The following OTULIN variants were observed in gnomAD, a reference collection of about 807,000 sequenced individuals.
OTULIN encodes OTU deubiquitinase with linear linkage specificity, also known as ubiquitin thioesterase otulin.
Under a neutral mutation model 39.6 loss-of-function variants are expected in OTULIN, and 15 were observed. The ratio of observed to expected loss-of-function variants is 0.38; its 90% CI spans 0.25 to 0.58. The LOEUF (loss-of-function observed/expected upper bound fraction) is 0.58. Ranked by LOEUF, OTULIN falls within the 20% of genes least tolerant of loss-of-function variation. OTULIN has a pLI of 0.66. For synonymous variants in OTULIN, 156 were observed against 170.3 expected (o/e 0.92, Z 0.65); for missense variants, 319 against 445.9 (o/e 0.72, Z 2.56).
the OTULIN span, among the ~76,000 whole-genome samples, chr5:14,715,423 G>A: frequency 5.3e-5 from 8 of 151,914 alleles, no homozygotes; most frequent in East Asian, 5.8e-4. Flanking sequence ...AAGCCACTGC[G>A]CCCGGCCCAT....
chr5:14,711,747 C>T, the OTULIN span, among the ~76,000 whole-genome samples: 2 of 152,238 alleles, frequency 1.3e-5, no homozygotes, highest in South Asian at 4.1e-4. Flanking sequence ...CAGCTCCAGG[C>T]TTGCCGTCAT....
intron 1 of OTULIN, among the ~76,000 whole-genome samples, chr5:14,671,025 A>T (rs1263534456): frequency 1.3e-5 from 2 of 152,012 alleles, no homozygotes; most frequent in African/African-American, 2.4e-5. Context: ...TGCTTTTTTC[A>T]TATATCCTGA....
Position 14,669,808 on chromosome 5 carries a change from ATT to A in OTULIN, c.153-3830_153-3829del. 2.0e-5 allele frequency among the ~76,000 whole-genome samples: 3 copies of A among 152,264 alleles called. No homozygotes were observed. In the South Asian group the frequency reaches 6.2e-4, roughly 32 times the overall value. On this transcript the variant is annotated intron_variant, in intron 1 of 6. Transcript: ENST00000284274. ...TATAATTTTTTAAATCGGCTTAATT[ATT>A]TTTAAGTTGTACATATTTATGGGGC... is the stretch of plus-strand genomic sequence containing the variant.
intron 1 of OTULIN, among the ~76,000 whole-genome samples, chr5:14,665,187 A>G (rs1026816560): frequency 2.6e-5 from 4 of 152,252 alleles, no homozygotes; most frequent in Non-Finnish European, 5.9e-5. Context: ...TTCTGGTCAC[A>G]CAGTGACTCC....
the OTULIN span, chr5:14,708,297 G>T: frequency 6.6e-6 from 1 of 152,128 alleles, no homozygotes; most frequent in African/African-American, 2.4e-5. Context: ...CTACTTCATG[G>T]CCTTGTATTT....
At chr5:14,703,324 CAAAAAAAAAAAAAAAAAAAAAAAAAAA>C (rs59779015), downstream of OTULIN, among the ~76,000 whole-genome samples, 3 of 122,120 alleles carry the variant, frequency 2.5e-5, no homozygotes, top group African/African-American at 9.6e-5. Context: ...TTAATAGTGT[CAAAAAAAAAAAAAAAAAAAAAAAAAAA>C]AAAAAAAAAA....
downstream of OTULIN, among the ~76,000 whole-genome samples, chr5:14,701,154 T>C (rs1736788793): frequency 1.3e-5 from 2 of 152,216 alleles, 1 homozygote; most frequent in South Asian, 4.1e-4. Context: ...CCCCTCTGTC[T>C]CCCCACTTCT....
At chr5:14,701,371 T>A (rs1156298343), downstream of OTULIN, among the ~76,000 whole-genome samples, 1 of 152,202 alleles carries the variant, frequency 6.6e-6, no homozygotes, top group Non-Finnish European at 1.5e-5. Context: ...CTTGTTGATC[T>A]ATGAGGCCAG....
the OTULIN span, among the ~76,000 whole-genome samples, chr5:14,711,471 G>C: frequency 6.6e-6 from 1 of 152,216 alleles, no homozygotes; most frequent in Non-Finnish European, 1.5e-5. Context: ...TCTTAGCTCA[G>C]TGTGTTCCTT....
the OTULIN span, among the ~76,000 whole-genome samples, chr5:14,716,076 A>T: frequency 6.6e-6 from 1 of 152,242 alleles, no homozygotes; most frequent in Non-Finnish European, 1.5e-5. Context: ...TGAGAATTTC[A>T]GTACATGAAC....
intron 1 of OTULIN, among the ~76,000 whole-genome samples, chr5:14,669,126 G>T (rs566991676): frequency 6.6e-6 from 1 of 152,282 alleles, no homozygotes; most frequent in African/African-American, 2.4e-5. Context: ...CACTTTTGGA[G>T]GCTGAGGCAG....
downstream of OTULIN, among the ~76,000 whole-genome samples, chr5:14,700,664 C>T (rs1736778620): frequency 6.6e-6 from 1 of 150,444 alleles, no homozygotes; most frequent in Non-Finnish European, 1.5e-5. Flanking sequence ...TGCCTACCCT[C>T]CCCAGCCCTC....
intron 4 of OTULIN, among the ~76,000 whole-genome samples, chr5:14,686,834 T>C (rs1257079591): frequency 1.3e-5 from 2 of 152,140 alleles, no homozygotes; most frequent in African/African-American, 4.8e-5. Context: ...ATAAAAAAAA[T>C]GGAAACTAGC....
chr5:14,713,444 C>G, the OTULIN span: 1 of 1,501,092 alleles, frequency 6.7e-7, no homozygotes, highest in Non-Finnish European at 9.1e-7. The surrounding 1 kb of genome is among the most constrained non-coding windows in gnomAD (Gnocchi z 4.4). Flanking sequence ...CGATTCTAGA[C>G]GTGCCTGGGG....
chr5:14,700,397 G>C (rs549611622), downstream of OTULIN, among the ~76,000 whole-genome samples: 245 of 152,288 alleles, frequency 1.6e-3, 2 homozygotes, highest in African/African-American at 5.6e-3. Context: ...TGGTGTCCTA[G>C]AGTTGGCATG....
chr5:14,692,679 C>CTTTTTTT (rs33978265), intron 6 of OTULIN, among the ~76,000 whole-genome samples, 175 bp from the exon 7 acceptor site: 5 of 143,236 alleles, frequency 3.5e-5, no homozygotes, highest in Non-Finnish European at 4.5e-5. Context: ...TGATTATCTG[C>CTTTTTTT]TTTTTTTTTT....
At position 14,673,686 on chromosome 5, in the gene OTULIN, A is replaced by G. The variant is rs757248466; in HGVS notation, c.197A>G (p.Lys66Arg). The G allele has an allele frequency of 1.7e-5, 27 of 1,613,746 alleles. No homozygotes were observed. Among genetic ancestry groups the G allele is most frequent in the Non-Finnish European group, 2.3e-5 (27 of 1,179,870 alleles). The part of the protein sequence containing the change: ...YRAADEIEKE[K>R]ELLIHERGAS... ...GCTGCAGATGAAATAGAAAAGGAGA[A>G]AGAATTGCTTATACATGAAAGAGGG... Residue 66 changes from lysine (K) to arginine (R), a missense_variant, in exon 2 of 7, where the codon AAA becomes AGA. Around this residue, in one of 4 missense-constraint regions of OTULIN, gnomAD observed 132 missense variants for 143.7 expected, o/e 0.92. Transcript: ENST00000284274.
intron 3 of OTULIN, among the ~76,000 whole-genome samples, chr5:14,680,155 A>G (rs777461324): frequency 2.6e-5 from 4 of 152,226 alleles, no homozygotes; most frequent in African/African-American, 4.8e-5. Context: ...TTGGATTTGC[A>G]TAAGTATTCT....
chr5:14,690,212 C>T lies in OTULIN; in HGVS notation c.768C>T (p.Phe256=), dbSNP rs2126334121. Residue 256 remains phenylalanine, a synonymous_variant, in exon 6 of 7, where the codon TTC becomes TTT. Transcript: ENST00000284274. This position sits in a 1 kb window ranked among gnomAD's most constrained non-coding sequence, Gnocchi z 4.5. ...DKEKGKEVPF[F]SVLLFARDTS... ...AGAAAGGAAAGGAAGTACCATTTTT[C>T]TCTGTGCTTCTGTTTGCTCGGGACA... 1.2e-6 allele frequency: 2 copies of T among 1,614,142 alleles called. No homozygotes were observed. Among genetic ancestry groups the T allele is most frequent in the Admixed American group, 1.7e-5 (1 of 60,026 alleles).
Sources: allele counts gnomAD v4.1 joint callset (sites outside exome capture counted in the v4.1 genomes callset), GRCh38; gene constraint gnomAD v4.1.1; regional missense constraint gnomAD v4.1.1; non-coding constraint Gnocchi (gnomAD v3.1); transcripts MANE v1.5; gene names NCBI Gene and HGNC (gene_info 2026-07-23, HGNC 2026-07-21).